MTCH1: variants seen among roughly 807,000 people sequenced by gnomAD.
MTCH1 encodes mitochondrial carrier 1.
A neutral mutation model predicts 49.3 loss-of-function variants in MTCH1; 23 were observed. The observed-to-expected ratio is 0.47, with a 90% CI of 0.34 to 0.66. The LOEUF is 0.66. Ranked by LOEUF, MTCH1 falls within the 30% of genes least tolerant of loss-of-function variation. The probability of loss-of-function intolerance (pLI) is 0.01; values close to 1 mark genes in which losing one functional copy is unlikely to be tolerated. For missense variants in MTCH1, 397 were observed against 532.1 expected, an observed-to-expected ratio of 0.75 and a Z score of 2.50; for synonymous variants, 229 against 215.2, an observed-to-expected ratio of 1.06 and a Z score of -0.56.
In MTCH1 at chr6:36,977,509, C is replaced by A; in HGVS notation, c.649+125G>T. ...TGAGGTGGGTTCCAGTAGAATACCC[C>A]CAACCCCACTACCACTTCCCAACAG... On this transcript the variant is annotated intron_variant, in intron 5 of 11. Coordinates refer to ENST00000373627, the MANE Select transcript of MTCH1 (RefSeq NM_001271641.2). The surrounding 1 kb of genome is among the most constrained non-coding windows in gnomAD (Gnocchi z 5.4). The A allele has an allele frequency of 1.4e-6, 1 of 740,490 alleles. No homozygotes were observed. The highest frequency in any genetic ancestry group is 1.7e-5 in the South Asian group (1 of 57,338). 45.9% of individuals were successfully genotyped at this position (740,490 alleles called of 1,614,324 possible).
rs112201425 is a variant in MTCH1, at chr6:36,977,751, C to G, written c.592-60G>C. On this transcript the variant is annotated intron_variant, in intron 4 of 11. Transcript: ENST00000373627. This position sits in a 1 kb window ranked among gnomAD's most constrained non-coding sequence, Gnocchi z 5.4. ...TCGGCCTGTCTCTGGAACTGGCCCT[C>G]GAGGGGAGCTACAAGTGCTCAGGAG... 6.9e-7 allele frequency: 1 copy of G among 1,454,532 alleles called. No individual in the cohort carries two copies. Among genetic ancestry groups the G allele is most frequent in the Non-Finnish European group, 9.5e-7 (1 of 1,057,460 alleles). 90.1% of individuals were successfully genotyped at this position (1,454,532 alleles called of 1,614,324 possible). A position where few individuals can be genotyped will look rare whatever the true frequency, so the allele number is the denominator to read the frequency against.
chr6:36,969,018 C>T, intron 11 of MTCH1, 44 bp from the exon 12 acceptor site: 1 of 1,605,506 alleles, frequency 6.2e-7, no homozygotes, highest in Admixed American at 1.7e-5. Flanking sequence ...GGAGGCCACG[C>T]TTCCTTGTCC....
chr6:36,984,569 C>T (rs1006726582), intron 1 of MTCH1, among the ~76,000 whole-genome samples: 14 of 152,144 alleles, frequency 9.2e-5, no homozygotes, highest in Admixed American at 2.0e-4. Flanking sequence ...CAACTCAAAT[C>T]TTGGATGGGT....
upstream of MTCH1, chr6:36,986,298 G>C: frequency 1.1e-6 from 1 of 923,562 alleles, no homozygotes; most frequent in Non-Finnish European, 1.4e-6. Context: ...GGTGCGGCGG[G>C]TGGGACACGC....
At position 36,981,586 on chromosome 6, in the gene MTCH1, A is replaced by G; in HGVS notation, c.406+2T>C. The G allele has an allele frequency of 6.2e-7, 1 of 1,613,802 alleles. No homozygotes were observed. Among genetic ancestry groups the G allele is most frequent in the Non-Finnish European group, 8.5e-7 (1 of 1,179,908 alleles). ...GCTTTCCTGCTTGGGAGGCACACTCACCGTAGGTGAAGAAGCTCGGCAGAT... is the reference window on the plus strand; with the variant it reads ...GCTTTCCTGCTTGGGAGGCACACTCGCCGTAGGTGAAGAAGCTCGGCAGAT... On this transcript the variant is annotated splice_donor_variant, in intron 2 of 11. Coordinates refer to ENST00000373627, the MANE Select transcript of MTCH1 (RefSeq NM_001271641.2). LOFTEE classifies it high-confidence loss of function.
intron 2 of MTCH1, among the ~76,000 whole-genome samples, chr6:36,980,806 A>G (rs1261371028): frequency 1.3e-5 from 2 of 152,228 alleles, no homozygotes; most frequent in Non-Finnish European, 2.9e-5. Context: ...GAAGGCCTTC[A>G]TCATGGTCAT....
intron 11 of MTCH1, 148 bp from the exon 12 acceptor site, chr6:36,969,122 G>A (rs1002322950): frequency 1.1e-4 from 158 of 1,434,284 alleles, no homozygotes; most frequent in South Asian, 1.1e-3. Context: ...TCCCTGGAGG[G>A]CAGAATCTGC....
chr6:36,968,718 G>A lies in MTCH1; in HGVS notation c.*185C>T. 1 of 956,028 alleles carries A rather than the reference G, an allele frequency of 1.0e-6. No homozygotes were observed. 59.2% of individuals were successfully genotyped at this position (956,028 alleles called of 1,614,324 possible). A position where few individuals can be genotyped will look rare whatever the true frequency, so the allele number is the denominator to read the frequency against. ...GTCTGCCGGGTGACCCAATCCACTGGGTGCAGCCCCACCCCCGCTCAACCC... is the reference window on the plus strand; with the variant it reads ...GTCTGCCGGGTGACCCAATCCACTGAGTGCAGCCCCACCCCCGCTCAACCC... On this transcript the variant is annotated 3_prime_UTR_variant, in exon 12 of 12. Transcript: ENST00000373627.
intron 8 of MTCH1, chr6:36,970,903 C>A (rs1167455856): frequency 1.6e-5 from 10 of 617,948 alleles, no homozygotes; most frequent in Non-Finnish European, 2.9e-5. Context: ...AGAAGGAGAC[C>A]CGGTAAGAGG....
Position 36,970,093 on chromosome 6 carries a change from A to C in MTCH1, c.1044T>G (p.Pro348=). 35 of 1,614,110 alleles carry C rather than the reference A, an allele frequency of 2.2e-5. No homozygotes were observed. Among genetic ancestry groups the C allele is most frequent in the Non-Finnish European group, 3.0e-5 (35 of 1,179,994 alleles). The stretch of plus-strand genomic sequence containing the variant: ...TCCAGGATTTGAACACTGGGGAGTA[A>C]GGGGGGAGCCCAGCTTGCAGCCTGC... The part of the protein sequence containing the change: ...NNCGLQAGLP[P]YSPVFKSWIH... The change falls in exon 11 of 12, where the codon CCT becomes CCG. Residue 348 remains proline (P), a synonymous_variant. Transcript: ENST00000373627.
rs1432627693 is a variant in MTCH1 at position 36,972,763 on chromosome 6, AACC to A, written c.792_794del (p.Val265del). 1 of 1,553,314 alleles carries A rather than the reference AACC, an allele frequency of 6.4e-7. No individual in the cohort carries two copies. The highest frequency in any genetic ancestry group is 8.7e-7 in the Non-Finnish European group (1 of 1,147,800). On this transcript the variant is annotated inframe_deletion, in exon 8 of 12. Coordinates refer to ENST00000373627, the MANE Select transcript of MTCH1 (RefSeq NM_001271641.2). The surrounding 1 kb of genome is among the most constrained non-coding windows in gnomAD (Gnocchi z 4.1). ...CCAGCAGGTTACAGCCCCACAAGAA[AACC>A]ACATCGCCCAGGAGGTGAGGGATTA... is the stretch of plus-strand genomic sequence containing the variant.
chr6:36,985,103 C>T (rs1764249752), intron 1 of MTCH1, among the ~76,000 whole-genome samples: 1 of 150,064 alleles, frequency 6.7e-6, no homozygotes, highest in Non-Finnish European at 1.5e-5. Context: ...GTCACCCTGT[C>T]CCCTCCTCCT....
chr6:36,968,884 G>GT lies in MTCH1; in HGVS notation c.*18dup. 2 of 1,613,904 alleles carry GT rather than the reference G, an allele frequency of 1.2e-6. No individual in the cohort carries two copies. The highest frequency in any genetic ancestry group is 2.2e-5 in the East Asian group (1 of 44,876). On this transcript the variant is annotated 3_prime_UTR_variant, in exon 12 of 12. Coordinates refer to ENST00000373627, the MANE Select transcript of MTCH1 (RefSeq NM_001271641.2). ...CCCACGGTGGCCAGGTTGAGACCGT[G>GT]TTTTTTAGATGATTCAGGTTACTCC...
intron 11 of MTCH1, 200 bp from the exon 12 acceptor site, chr6:36,969,174 G>A: frequency 3.0e-6 from 3 of 985,410 alleles, no homozygotes; most frequent in Non-Finnish European, 2.4e-6. Context: ...CCTGCCCAGG[G>A]GTGTCTTTGG....
Position 36,977,330 on chromosome 6 carries a change from C to T in MTCH1, c.650-80G>A. 6.7e-7 allele frequency: 1 copy of T among 1,482,670 alleles called. No homozygotes were observed. 91.8% of individuals were successfully genotyped at this position (1,482,670 alleles called of 1,614,324 possible). On this transcript the variant is annotated intron_variant, in intron 5 of 11. Transcript: ENST00000373627. This position sits in a 1 kb window ranked among gnomAD's most constrained non-coding sequence, Gnocchi z 5.4. Reference sequence around the variant, plus strand: ...TGCTCCAGCCACCGGGTGCCAGGTGCAGAGTGGCCACTGAACAACGTGGCC... The same window carrying T: ...TGCTCCAGCCACCGGGTGCCAGGTGTAGAGTGGCCACTGAACAACGTGGCC...
At chr6:36,969,719 A>C (rs1386089404) in intron 11 of MTCH1, 25 of 1,240,428 alleles carry the variant, frequency 2.0e-5, no homozygotes, top group Non-Finnish European at 2.4e-5. Flanking sequence ...CTTGAAGGAG[A>C]AGCAGTTCTT....
At chr6:36,974,984 A>G (rs1006061548) in intron 7 of MTCH1, among the ~76,000 whole-genome samples, 1 of 152,158 alleles carries the variant, frequency 6.6e-6, no homozygotes, top group East Asian at 1.9e-4. Flanking sequence ...TTCTTTCTGA[A>G]CTTAGTCTTT....
In MTCH1 at chr6:36,977,590, G is replaced by C. The variant is rs553163764; in HGVS notation, c.649+44C>G. The C allele has an allele frequency of 9.0e-6, 13 of 1,451,552 alleles. No individual in the cohort carries two copies. Among genetic ancestry groups the C allele is most frequent in the Non-Finnish European group, 1.2e-5 (13 of 1,047,656 alleles). 89.9% of individuals were successfully genotyped at this position (1,451,552 alleles called of 1,614,324 possible). A position where few individuals can be genotyped will look rare whatever the true frequency, so the allele number is the denominator to read the frequency against. On this transcript the variant is annotated intron_variant, in intron 5 of 11. Transcript: ENST00000373627. This position sits in a 1 kb window ranked among gnomAD's most constrained non-coding sequence, Gnocchi z 5.4. Reference sequence around the variant, plus strand: ...GGGGCGCCCCTCACCCCACGCCCCCGACGCCAGCTTAGATACAGTCTCGGG... The same window carrying C: ...GGGGCGCCCCTCACCCCACGCCCCCCACGCCAGCTTAGATACAGTCTCGGG...
intron 9 of MTCH1, 29 bp downstream of exon 9, chr6:36,970,618 G>C: frequency 6.2e-7 from 1 of 1,614,026 alleles, no homozygotes; most frequent in Non-Finnish European, 8.5e-7. Flanking sequence ...GCAAGGCAGT[G>C]GGAAGGAAGG....
Sources: gnomAD v4.1 joint callset for allele counts (sites outside exome capture counted in the v4.1 genomes callset) on GRCh38, gnomAD v4.1.1 for gene constraint, Gnocchi (gnomAD v3.1) non-coding constraint, MANE v1.5 for transcripts, NCBI Gene and HGNC (gene_info 2026-07-23, HGNC 2026-07-21) for gene names.